The following NDUFB8 variants were observed in gnomAD, a reference collection of about 807,000 sequenced individuals.
NDUFB8 encodes NADH:ubiquinone oxidoreductase subunit B8, also known as NADH dehydrogenase [ubiquinone] 1 beta subcomplex subunit 8, mitochondrial.
NDUFB8 carries 17 observed loss-of-function variants against 26.0 expected under a neutral mutation model. The ratio of observed to expected loss-of-function variants is 0.65; its 90% CI spans 0.45 to 0.98. The LOEUF is 0.98. Ranked by LOEUF, NDUFB8 falls within the 50% of genes least tolerant of loss-of-function variation. NDUFB8 has a pLI of 0.00. For synonymous variants in NDUFB8, 89 were observed against 93.1 expected, an observed-to-expected ratio of 0.96 and a Z score of 0.25; for missense variants, 238 against 255.0, an observed-to-expected ratio of 0.93 and a Z score of 0.45.
At chr10:100,528,134 T>C (rs1231787099) in intron 2 of NDUFB8, among the ~76,000 whole-genome samples, 1 of 152,216 alleles carries the variant, frequency 6.6e-6, no homozygotes. Flanking sequence ...TTATCTTTTA[T>C]AGCATACTTT....
At chr10:100,527,726 GC>G (rs1158420013) in intron 2 of NDUFB8, among the ~76,000 whole-genome samples, 1 of 152,246 alleles carries the variant, frequency 6.6e-6, no homozygotes, top group Non-Finnish European at 1.5e-5. Context: ...ACAGTCATGT[GC>G]CACATACCAT....
chr10:100,527,181 C>T (rs1852067125), intron 2 of NDUFB8, 107 bp from the exon 3 acceptor site: 1 of 885,898 alleles, frequency 1.1e-6, no homozygotes, highest in Non-Finnish European at 1.8e-6. Flanking sequence ...AACTGCCTCA[C>T]CTAAGGACAA....
Position 100,524,027 on chromosome 10 carries a change from C to T in NDUFB8, c.469-98G>A. On this transcript the variant is annotated intron_variant, in intron 4 of 4. Coordinates refer to ENST00000299166, the MANE Select transcript of NDUFB8 (RefSeq NM_005004.4). The surrounding 1 kb of genome is among the most constrained non-coding windows in gnomAD (Gnocchi z 4.0). ...CAATCACGCATGGTAAATGGGTACACAGTAGCCTCTGGTCAGACCCAGCTG... is the reference window on the plus strand; with the variant it reads ...CAATCACGCATGGTAAATGGGTACATAGTAGCCTCTGGTCAGACCCAGCTG... The T allele has an allele frequency of 3.1e-6, 5 of 1,593,278 alleles. No homozygotes were observed. The highest frequency in any genetic ancestry group is 4.3e-6 in the Non-Finnish European group (5 of 1,169,196).
chr10:100,527,018 T>C lies in NDUFB8; in HGVS notation c.269A>G (p.Tyr90Cys). 6.2e-7 allele frequency: 1 copy of C among 1,614,180 alleles called. No homozygotes were observed. Among genetic ancestry groups the C allele is most frequent in the Non-Finnish European group, 8.5e-7 (1 of 1,180,018 alleles). ...CCTCAGGCCCGGCTGGTCCCAGCTA[T>C]ACCATGGATCTCTCTCATGCTGTGA... ...DRSQHERDPWYSWDQPGLRLN... is the reference protein window; with the variant it reads ...DRSQHERDPWCSWDQPGLRLN... The change falls in exon 3 of 5, where the codon TAT becomes TGT. Residue 90 changes from tyrosine (Y) to cysteine (C), a missense_variant. Tyr to Cys is a radical substitution (Grantham distance 194, BLOSUM62 -2). Coordinates refer to ENST00000299166, the MANE Select transcript of NDUFB8 (RefSeq NM_005004.4).
At position 100,523,942 on chromosome 10, in the gene NDUFB8, A is replaced by G. The variant is rs1242748996; in HGVS notation, c.469-13T>C. 2 of 1,614,130 alleles carry G rather than the reference A, an allele frequency of 1.2e-6. No individual in the cohort carries two copies. The highest frequency in any genetic ancestry group is 1.7e-6 in the Non-Finnish European group (2 of 1,180,010). On this transcript the variant is annotated splice_polypyrimidine_tract_variant and intron_variant, in intron 4 of 4. Transcript: ENST00000299166. Reference sequence around the variant, plus strand: ...ACTGCTTTGGTCCCTACAGAAAAAAACACAGGTCAGCAAGAACATACATTC... The same window carrying G: ...ACTGCTTTGGTCCCTACAGAAAAAAGCACAGGTCAGCAAGAACATACATTC...
At position 100,529,503 on chromosome 10, in the gene NDUFB8, G is replaced by A. The variant is rs1589747812; in HGVS notation, c.89C>T (p.Ser30Phe). The A allele has an allele frequency of 6.2e-7, 1 of 1,611,692 alleles. No individual in the cohort carries two copies. ...NVMPLGARTA[S>F]HMTKDMFPGP... ...CGGGAACATGTCCTTGGTCATGTGG[G>A]AGGCTAGAACGCAGAAGAGAACAGG... The change falls in exon 2 of 5, where the codon TCC becomes TTC. Residue 30 changes from serine (S) to phenylalanine (F), a missense_variant. Coordinates refer to ENST00000299166, the MANE Select transcript of NDUFB8 (RefSeq NM_005004.4).
chr10:100,525,717 CGTGTGTGTGTGTGT>C (rs71013460), intron 4 of NDUFB8, among the ~76,000 whole-genome samples: 997 of 46,012 alleles, frequency 0.022, 96 homozygotes, highest in African/African-American at 0.076. Context: ...TAAGCACATA[CGTGTGTGTGTGTGT>C]GTGTGTGTGT....
rs776844078 is a variant in NDUFB8 at position 100,524,664 on chromosome 10, G to A, written c.469-735C>T. 6.6e-6 allele frequency among the ~76,000 whole-genome samples: 1 copy of A among 152,194 alleles called. No individual in the cohort carries two copies. Among genetic ancestry groups the A allele is most frequent in the South Asian group, 2.1e-4 (1 of 4,834 alleles). On this transcript the variant is annotated intron_variant, in intron 4 of 4. Transcript: ENST00000299166. The surrounding 1 kb of genome is among the most constrained non-coding windows in gnomAD (Gnocchi z 4.0). ...ACACAGACATACCAGCTACCTTCAGGACATTGATTGTCTCTGCAGAGGTAG... is the reference window on the plus strand; with the variant it reads ...ACACAGACATACCAGCTACCTTCAGAACATTGATTGTCTCTGCAGAGGTAG...
chr10:100,528,068 T>C (rs557825191), intron 2 of NDUFB8, among the ~76,000 whole-genome samples: 1 of 152,376 alleles, frequency 6.6e-6, no homozygotes, highest in East Asian at 1.9e-4. Context: ...TCTGCCTGCC[T>C]TGGCCTCCCA....
Position 100,524,057 on chromosome 10 carries a change from A to C in NDUFB8, c.469-128T>G. ...GCCTCTGGTCAGACCCAGCTGGGCT[A>C]GGAAGGCAGGAACAGCACTCCTCTT... On this transcript the variant is annotated intron_variant, in intron 4 of 4. Transcript: ENST00000299166. The surrounding 1 kb of genome is among the most constrained non-coding windows in gnomAD (Gnocchi z 4.0). 1 of 1,581,560 alleles carries C rather than the reference A, an allele frequency of 6.3e-7. No individual in the cohort carries two copies. Among genetic ancestry groups the C allele is most frequent in the Non-Finnish European group, 8.6e-7 (1 of 1,163,190 alleles).
At chr10:100,528,939 CAT>C (rs1852097702) in intron 2 of NDUFB8, 1 of 153,054 alleles carries the variant, frequency 6.5e-6, no homozygotes, top group South Asian at 2.0e-4. Context: ...AACAGAAAAA[CAT>C]TTTTTTTAAA....
intron 2 of NDUFB8, among the ~76,000 whole-genome samples, chr10:100,528,347 C>A (rs1290366987): frequency 6.6e-6 from 1 of 152,170 alleles, no homozygotes; most frequent in Non-Finnish European, 1.5e-5. Context: ...AACCTAACAA[C>A]CCATTTCTCA....
At chr10:100,528,940 AT>A (rs534753400) in intron 2 of NDUFB8, 3 of 152,958 alleles carry the variant, frequency 2.0e-5, no homozygotes, top group Non-Finnish European at 4.4e-5. Flanking sequence ...ACAGAAAAAC[AT>A]TTTTTTTAAA....
chr10:100,526,862 T>C lies in NDUFB8; in HGVS notation c.312+113A>G, dbSNP rs1852060217. ...CAGATCTCACATCACTGGACCTTGC[T>C]TCCTTGAGCAGGAAAGCTTAGTGTT... On this transcript the variant is annotated intron_variant, in intron 3 of 4. Coordinates refer to ENST00000299166, the MANE Select transcript of NDUFB8 (RefSeq NM_005004.4). 3 of 1,037,054 alleles carry C rather than the reference T, an allele frequency of 2.9e-6. No homozygotes were observed. In the African/African-American group the frequency reaches 4.8e-5, roughly 16 times the overall value. The allele number at this position is 1,037,054 out of a possible 1,614,324, so 64.2% of individuals were successfully genotyped here.
At chr10:100,525,618 G>T (rs1475330301) in intron 4 of NDUFB8, among the ~76,000 whole-genome samples, 1 of 522 alleles carries the variant, frequency 1.9e-3, no homozygotes, top group East Asian at 0.033. Context: ...CCCAAAGCGT[G>T]TGTGTGTGTG....
intron 4 of NDUFB8, among the ~76,000 whole-genome samples, chr10:100,525,615 CGTGTGTGTGTGTGT>C (rs56705301): frequency 0.16 from 16,391 of 100,126 alleles, 1,752 homozygotes; most frequent in South Asian, 0.24. Context: ...CCACCCAAAG[CGTGTGTGTGTGTGT>C]GTGTGTGTGT....
intron 3 of NDUFB8, chr10:100,526,763 T>A: frequency 1.4e-6 from 1 of 731,076 alleles, no homozygotes; most frequent in Non-Finnish European, 2.2e-6. Flanking sequence ...AGCTCCATCA[T>A]GGAAGTGCAC....
At chr10:100,525,613 AGCGTGT>A (rs1852030663) in intron 4 of NDUFB8, among the ~76,000 whole-genome samples, 4 of 116,772 alleles carry the variant, frequency 3.4e-5, no homozygotes, top group Non-Finnish European at 3.4e-5. Context: ...CACCACCCAA[AGCGTGT>A]GTGTGTGTGT....
Position 100,524,222 on chromosome 10 carries a change from A to G in NDUFB8, c.469-293T>C. The G allele has an allele frequency of 4.1e-6, 5 of 1,213,176 alleles. No homozygotes were observed. The highest frequency in any genetic ancestry group is 4.8e-6 in the Non-Finnish European group (4 of 841,290). The allele number at this position is 1,213,176 out of a possible 1,614,324, so 75.2% of individuals were successfully genotyped here. On this transcript the variant is annotated intron_variant, in intron 4 of 4. Transcript: ENST00000299166. The surrounding 1 kb of genome is among the most constrained non-coding windows in gnomAD (Gnocchi z 4.0). ...AGGAAGACAGGGAGGGAGGTAAAGAAAGAGAGAAGAGTGTGTTAGAGTCAG... is the reference window on the plus strand; with the variant it reads ...AGGAAGACAGGGAGGGAGGTAAAGAGAGAGAGAAGAGTGTGTTAGAGTCAG...
Sources: gnomAD v4.1 joint callset for allele counts (sites outside exome capture counted in the v4.1 genomes callset) on GRCh38, gnomAD v4.1.1 for gene constraint, Gnocchi (gnomAD v3.1) non-coding constraint, MANE v1.5 for transcripts, NCBI Gene and HGNC (gene_info 2026-07-23, HGNC 2026-07-21) for gene names.